The following SCN8A variants were observed in gnomAD, a reference collection of about 807,000 sequenced individuals.
The protein encoded by SCN8A is sodium channel protein type 8 subunit alpha.
Under a neutral mutation model 184.1 loss-of-function variants are expected in SCN8A, and 30 were observed. The observed-to-expected ratio is 0.16, with a 90% CI of 0.12 to 0.22. The LOEUF (loss-of-function observed/expected upper bound fraction) is 0.22, where lower values mean the gene tolerates loss of function less well. Ranked by LOEUF, SCN8A falls within the 10% of genes least tolerant of loss-of-function variation. SCN8A has a pLI of 1.00. For missense variants in SCN8A, 1,057 were observed against 2,498.9 expected (o/e 0.42, Z 12.30); for synonymous variants, 852 against 907.0 (o/e 0.94, Z 1.09).
intron 14 of SCN8A, 131 bp from the exon 15 acceptor site, chr12:51,762,372 A>G (rs1942774970): frequency 2.4e-6 from 2 of 827,804 alleles, no homozygotes; most frequent in South Asian, 3.5e-5. Flanking sequence ...CCAGGTATTG[A>G]TATCTTCAGA....
intron 13 of SCN8A, among the ~76,000 whole-genome samples, chr12:51,747,769 G>A (rs957264329): frequency 1.3e-5 from 2 of 151,758 alleles, no homozygotes; most frequent in Admixed American, 6.6e-5. Context: ...CCATTGGGAC[G>A]TTTTAAAATT....
chr12:51,656,962 G>T (rs1940833169), intron 1 of SCN8A, among the ~76,000 whole-genome samples: 1 of 152,116 alleles, frequency 6.6e-6, no homozygotes, highest in African/African-American at 2.4e-5. Flanking sequence ...CAGTTTGGCA[G>T]TTCCTCAAAA....
intron 7 of SCN8A, 49 bp from the exon 8 acceptor site, chr12:51,701,095 A>G: frequency 7.8e-7 from 1 of 1,278,236 alleles, no homozygotes; most frequent in South Asian, 1.2e-5. Flanking sequence ...TTATTCTCTC[A>G]TTCACTTAAA....
At chr12:51,681,925 CA>C (rs1264236733) in intron 2 of SCN8A, among the ~76,000 whole-genome samples, 1 of 151,536 alleles carries the variant, frequency 6.6e-6, no homozygotes, top group Non-Finnish European at 1.5e-5. Context: ...CTCAAAGAAC[CA>C]AAAGCCTAAT....
At chr12:51,703,241 TG>T (rs1941723615) in intron 9 of SCN8A, among the ~76,000 whole-genome samples, 1 of 150,146 alleles carries the variant, frequency 6.7e-6, no homozygotes, top group African/African-American at 2.5e-5. Flanking sequence ...TTGTTTTTTT[TG>T]TTTTGTTTTG....
chr12:51,625,267 G>C (rs1397491074), intron 1 of SCN8A, among the ~76,000 whole-genome samples: 3 of 152,140 alleles, frequency 2.0e-5, no homozygotes, highest in African/African-American at 7.2e-5. Context: ...AAAATGTCAC[G>C]TGAGTGGAAT....
chr12:51,721,605 C>A lies in SCN8A; in HGVS notation c.1695C>A (p.Ile565=), dbSNP rs1239406541. 3.1e-6 allele frequency: 5 copies of A among 1,613,256 alleles called. No individual in the cohort carries two copies. The highest frequency in any genetic ancestry group is 4.2e-6 in the Non-Finnish European group (5 of 1,179,648). Residue 565 remains isoleucine (I), a synonymous_variant, in exon 12 of 27, where the codon ATC becomes ATA. Coordinates refer to ENST00000627620, the MANE Select transcript of SCN8A (RefSeq NM_001330260.2). ...FLSRHNSKSS[I]FSFRGPGRFR... ...CCCGCCACAACAGCAAGAGCAGCAT[C>A]TTCAGTTTCAGGGGACCTGGGCGGT...
At chr12:51,660,511 A>T (rs1004886632) in intron 1 of SCN8A, among the ~76,000 whole-genome samples, 7 of 152,230 alleles carry the variant, frequency 4.6e-5, no homozygotes, top group Admixed American at 1.3e-4. Context: ...GCATAATCTT[A>T]TTCACTGTGA....
At chr12:51,633,507 C>T (rs561563863) in intron 1 of SCN8A, among the ~76,000 whole-genome samples, 23 of 152,148 alleles carry the variant, frequency 1.5e-4, no homozygotes, top group Non-Finnish European at 2.9e-4. Context: ...TTGTGAAATT[C>T]CTCCCACCAA....
chr12:51,629,544 A>G (rs1313044372), intron 1 of SCN8A, among the ~76,000 whole-genome samples: 1 of 145,566 alleles, frequency 6.9e-6, no homozygotes, highest in Non-Finnish European at 1.5e-5. Flanking sequence ...GGTAATTTAT[A>G]CTTTTTTGTT....
intron 8 of SCN8A, among the ~76,000 whole-genome samples, chr12:51,702,341 AAG>A (rs1491283027): frequency 6.6e-6 from 1 of 151,730 alleles, no homozygotes; most frequent in African/African-American, 2.4e-5. Flanking sequence ...AAAAAAAAAA[AAG>A]AGGAACTTCT....
At chr12:51,794,741 C>A in intron 26 of SCN8A, 100 bp downstream of exon 26, 3 of 1,167,524 alleles carry the variant, frequency 2.6e-6, no homozygotes, top group Non-Finnish European at 3.6e-6. Context: ...GTCTGAAGTG[C>A]AGGCAAGATA....
At chr12:51,800,864 A>G (rs1383792716) in intron 26 of SCN8A, among the ~76,000 whole-genome samples, 2 of 152,224 alleles carry the variant, frequency 1.3e-5, no homozygotes, top group Non-Finnish European at 2.9e-5. Flanking sequence ...CATGGGAGAA[A>G]GATTAGCAGT....
At chr12:51,626,671 CT>C (rs1450718284) in intron 1 of SCN8A, among the ~76,000 whole-genome samples, 2 of 152,072 alleles carry the variant, frequency 1.3e-5, no homozygotes, top group African/African-American at 4.8e-5. Flanking sequence ...GTATGTTTCT[CT>C]TCCTTATAAA....
At chr12:51,663,765 C>T (rs954042354) in intron 2 of SCN8A, among the ~76,000 whole-genome samples, 7 of 152,260 alleles carry the variant, frequency 4.6e-5, no homozygotes, top group Admixed American at 1.3e-4. Flanking sequence ...ACTAAATCTT[C>T]AGCTACTTTC....
At chr12:51,791,601 A>G (rs560120767) in intron 25 of SCN8A, among the ~76,000 whole-genome samples, 17 of 152,366 alleles carry the variant, frequency 1.1e-4, no homozygotes, top group African/African-American at 4.1e-4. Flanking sequence ...GAAAAGGGTT[A>G]ACATTTCTAA....
At chr12:51,798,077 C>T (rs1398212885) in intron 26 of SCN8A, among the ~76,000 whole-genome samples, 2 of 152,190 alleles carry the variant, frequency 1.3e-5, no homozygotes, top group African/African-American at 4.8e-5. Flanking sequence ...TCAAAGCATA[C>T]ATGGCCTTCT....
intron 1 of SCN8A, among the ~76,000 whole-genome samples, chr12:51,591,903 C>T (rs73101318): frequency 0.034 from 5,152 of 152,238 alleles, 108 homozygotes; most frequent in Middle Eastern, 0.085. Context: ...CTCCCGACTC[C>T]CTCTGTCCTT....
chr12:51,782,986 C>T (rs1177729165), intron 21 of SCN8A, among the ~76,000 whole-genome samples: 5 of 152,036 alleles, frequency 3.3e-5, no homozygotes, highest in South Asian at 2.1e-4. Flanking sequence ...AGATTTTTTT[C>T]GGTAAGATAA....
Sources: allele counts gnomAD v4.1 joint callset (sites outside exome capture counted in the v4.1 genomes callset), GRCh38; gene constraint gnomAD v4.1.1; transcripts MANE v1.5; gene names NCBI Gene and HGNC (gene_info 2026-07-23, HGNC 2026-07-21).